The following ZNF66 variants were observed in gnomAD, a reference collection of about 807,000 sequenced individuals.
ZNF66 encodes putative zinc finger protein 66.
A neutral mutation model predicts 35.2 loss-of-function variants in ZNF66; 32 were observed. The observed-to-expected ratio is 0.91, with a 90% CI of 0.69 to 1.22. The LOEUF (loss-of-function observed/expected upper bound fraction) is 1.22. Among genes scored for constraint, ZNF66 ranks in the 50% most tolerant of loss-of-function variants. ZNF66 has a pLI of 0.00. For missense variants in ZNF66, 666 were observed against 543.1 expected (o/e 1.23, Z -2.25); for synonymous variants, 231 against 181.3 (o/e 1.27, Z -2.20).
At chr19:20,789,594 A>G (rs1264896914) in intron 1 of ZNF66, among the ~76,000 whole-genome samples, 1 of 152,100 alleles carries the variant, frequency 6.6e-6, no homozygotes, top group Admixed American at 6.6e-5. Context: ...AGAGAATAAA[A>G]TTTTGTCTAA....
Position 20,809,357 on chromosome 19 carries a change from C to T in ZNF66, c.*2035C>T, listed in dbSNP as rs1241435325. On this transcript the variant is annotated 3_prime_UTR_variant, in exon 4 of 4. Transcript: ENST00000344519. ...CCACAAAGATACTCCTTGAGAAGAG[C>T]AACTCCAAGACACATAATTGTCAGA... Among the ~76,000 whole-genome samples the T allele has an allele frequency of 6.6e-6, 1 of 151,924 alleles. No individual in the cohort carries two copies. The highest frequency in any genetic ancestry group is 1.5e-5 in the Non-Finnish European group (1 of 67,968).
intron 1 of ZNF66, among the ~76,000 whole-genome samples, chr19:20,791,093 A>T (rs1264600462): frequency 6.6e-6 from 1 of 152,202 alleles, no homozygotes; most frequent in Non-Finnish European, 1.5e-5. Flanking sequence ...CAAGATTTCT[A>T]TTGGGGAAAA....
chr19:20,795,167 G>A (rs1971379610), intron 3 of ZNF66, among the ~76,000 whole-genome samples: 1 of 151,864 alleles, frequency 6.6e-6, no homozygotes, highest in Admixed American at 6.6e-5. Context: ...GAGCCACCAT[G>A]CCTGGCTGGA....
intron 1 of ZNF66, among the ~76,000 whole-genome samples, chr19:20,787,319 C>A (rs1568495007): frequency 6.6e-6 from 1 of 151,984 alleles, no homozygotes; most frequent in African/African-American, 2.4e-5. Flanking sequence ...TTGTGTCAGC[C>A]TTTTTTAATA....
At chr19:20,802,827 G>A (rs1217703690) in intron 3 of ZNF66, among the ~76,000 whole-genome samples, 1 of 151,876 alleles carries the variant, frequency 6.6e-6, no homozygotes, top group Non-Finnish European at 1.5e-5. Context: ...ATTCAATTTT[G>A]TATTTGCTTT....
At chr19:20,779,465 G>C (rs573012014) in intron 1 of ZNF66, among the ~76,000 whole-genome samples, 1 of 152,170 alleles carries the variant, frequency 6.6e-6, no homozygotes, top group Non-Finnish European at 1.5e-5. Context: ...TGTTGACTCA[G>C]ACTGAGGGTA....
chr19:20,808,422 G>A lies in ZNF66; in HGVS notation c.*1100G>A, dbSNP rs545706605. Among the ~76,000 whole-genome samples, 177 of 152,300 alleles carry A rather than the reference G, an allele frequency of 1.2e-3. No homozygotes were observed. Among genetic ancestry groups the A allele is most frequent in the African/African-American group, 3.9e-3 (163 of 41,578 alleles). ...CTCCTCAAGTGGGTCTCTGACCCCC[G>A]AGCAGCCTAACTGGGAGGCACACCC... On this transcript the variant is annotated 3_prime_UTR_variant, in exon 4 of 4. Coordinates refer to ENST00000344519, the MANE Select transcript of ZNF66 (RefSeq NM_001355197.2).
chr19:20,789,837 A>C (rs1202532171), intron 1 of ZNF66, among the ~76,000 whole-genome samples: 1 of 152,192 alleles, frequency 6.6e-6, no homozygotes, highest in East Asian at 1.9e-4. Flanking sequence ...CATGCTCTTG[A>C]GCACACAGTA....
chr19:20,796,554 G>A (rs1971394414), intron 3 of ZNF66, among the ~76,000 whole-genome samples: 1 of 152,022 alleles, frequency 6.6e-6, no homozygotes, highest in African/African-American at 2.4e-5. Flanking sequence ...ACATATCAGA[G>A]GGTCTAACCC....
Position 20,809,974 on chromosome 19 carries a change from G to T in ZNF66, c.*2652G>T, listed in dbSNP as rs1414957284. 2.0e-5 allele frequency among the ~76,000 whole-genome samples: 3 copies of T among 152,134 alleles called. No individual in the cohort carries two copies. Among genetic ancestry groups the T allele is most frequent in the Admixed American group, 6.6e-5 (1 of 15,258 alleles). On this transcript the variant is annotated 3_prime_UTR_variant, in exon 4 of 4. Transcript: ENST00000344519. ...AGACACACATAGGCTCAAAATAAAA[G>T]GATGGAGGAAGATCTACGAAGCAAA... is the stretch of plus-strand genomic sequence containing the variant.
Position 20,808,799 on chromosome 19 carries a change from C to A in ZNF66, c.*1477C>A, listed in dbSNP as rs181129410. On this transcript the variant is annotated 3_prime_UTR_variant, in exon 4 of 4. Coordinates refer to ENST00000344519, the MANE Select transcript of ZNF66 (RefSeq NM_001355197.2). ...TAAAAAGCAGAGCACCTCTCCTCCT[C>A]CAAAGGAACACAGTTCCCCACCAGC... 6.7e-6 allele frequency among the ~76,000 whole-genome samples: 1 copy of A among 149,192 alleles called. No homozygotes were observed. The highest frequency in any genetic ancestry group is 2.5e-5 in the African/African-American group (1 of 40,694).
chr19:20,795,216 TC>T (rs1326295614), intron 3 of ZNF66, among the ~76,000 whole-genome samples: 1 of 151,940 alleles, frequency 6.6e-6, no homozygotes, highest in Non-Finnish European at 1.5e-5. Flanking sequence ...GCCACATACT[TC>T]CATCACTACA....
chr19:20,776,580 C>A, intron 1 of ZNF66, 130 bp downstream of exon 1: 1 of 1,267,842 alleles, frequency 7.9e-7, no homozygotes. Flanking sequence ...CCCATTCAGC[C>A]ATAAGATGGC....
In ZNF66 at chr19:20,807,455, T is replaced by C. The variant is rs1971533361; in HGVS notation, c.*133T>C. 1 of 536,582 alleles carries C rather than the reference T, an allele frequency of 1.9e-6. No individual in the cohort carries two copies. The highest frequency in any genetic ancestry group is 1.9e-5 in the African/African-American group (1 of 52,402). 33.2% of individuals were successfully genotyped at this position (536,582 alleles called of 1,614,324 possible). A position where few individuals can be genotyped will look rare whatever the true frequency, so the allele number is the denominator to read the frequency against. On this transcript the variant is annotated 3_prime_UTR_variant, in exon 4 of 4. Coordinates refer to ENST00000344519, the MANE Select transcript of ZNF66 (RefSeq NM_001355197.2). ...ATGAGAATTTATGGAACACAAACACTACAAATATAAAGAATGTGACAAAGC... is the reference window on the plus strand; with the variant it reads ...ATGAGAATTTATGGAACACAAACACCACAAATATAAAGAATGTGACAAAGC...
intron 1 of ZNF66, among the ~76,000 whole-genome samples, chr19:20,786,029 T>TGGGATTACAG: frequency 5.2e-5 from 1 of 19,332 alleles, no homozygotes. Flanking sequence ...CCCAGAGTCC[T>TGGGATTACAG]AGTCCTGGGA....
chr19:20,776,330 G>A lies in ZNF66; in HGVS notation c.-118G>A, dbSNP rs1319728659. ...TCTCTCCCTGCAGCTGGAGCTCCAGGTCGTCTGTTCACTGCTCTCTGTCTT... is the reference window on the plus strand; with the variant it reads ...TCTCTCCCTGCAGCTGGAGCTCCAGATCGTCTGTTCACTGCTCTCTGTCTT... On this transcript the variant is annotated 5_prime_UTR_variant, in exon 1 of 4. Coordinates refer to ENST00000344519, the MANE Select transcript of ZNF66 (RefSeq NM_001355197.2). 10 of 1,442,478 alleles carry A rather than the reference G, an allele frequency of 6.9e-6. No individual in the cohort carries two copies. The highest frequency in any genetic ancestry group is 8.8e-6 in the Non-Finnish European group (9 of 1,027,834). The allele number at this position is 1,442,478 out of a possible 1,614,324, so 89.4% of individuals were successfully genotyped here.
chr19:20,794,979 C>T (rs1339037131), intron 3 of ZNF66, among the ~76,000 whole-genome samples: 1 of 146,296 alleles, frequency 6.8e-6, no homozygotes, highest in Non-Finnish European at 1.5e-5. Context: ...TCAAGTGGCT[C>T]TCCTGCCTCA....
At chr19:20,803,671 T>G (rs1287303190) in intron 3 of ZNF66, among the ~76,000 whole-genome samples, 1 of 152,150 alleles carries the variant, frequency 6.6e-6, no homozygotes, top group Non-Finnish European at 1.5e-5. Flanking sequence ...GTGCATATCT[T>G]TCCCAGAAAG....
At chr19:20,799,603 T>G (rs1971429233) in intron 3 of ZNF66, among the ~76,000 whole-genome samples, 1 of 152,216 alleles carries the variant, frequency 6.6e-6, no homozygotes, top group Non-Finnish European at 1.5e-5. Context: ...GTATTTTATT[T>G]AAAATATATT....
Sources: allele counts gnomAD v4.1 joint callset (sites outside exome capture counted in the v4.1 genomes callset), GRCh38; gene constraint gnomAD v4.1.1; transcripts MANE v1.5; gene names NCBI Gene and HGNC (gene_info 2026-07-23, HGNC 2026-07-21).